The following SAG variants were observed in gnomAD, a reference collection of about 807,000 sequenced individuals.
SAG encodes S-arrestin.
A neutral mutation model predicts 55.0 loss-of-function variants in SAG; 45 were observed. That is an observed-to-expected ratio of 0.82 (90% CI 0.64 to 1.05). The LOEUF (loss-of-function observed/expected upper bound fraction) is 1.05, where lower values mean the gene tolerates loss of function less well. Among genes scored for constraint, SAG ranks in the 50% least tolerant of loss-of-function variants. The pLI is 0.00. For synonymous variants in SAG, 189 were observed against 197.4 expected (o/e 0.96, Z 0.36); for missense variants, 455 against 512.1 (o/e 0.89, Z 1.08).
chr2:233,342,827 A>G (rs1701145574), intron 14 of SAG: 2 of 160,640 alleles, frequency 1.2e-5, no homozygotes, highest in African/African-American at 4.9e-5. Context: ...TGGTGTGATC[A>G]AGCTTACTAC....
At chr2:233,313,515 ATTT>A (rs111926878) in intron 2 of SAG, among the ~76,000 whole-genome samples, 1 of 146,968 alleles carries the variant, frequency 6.8e-6, no homozygotes, top group African/African-American at 2.5e-5. Flanking sequence ...TTTGGGGAGA[ATTT>A]TTTTTTTTTT....
chr2:233,328,008 C>G (rs1559444284), intron 7 of SAG: 1 of 153,674 alleles, frequency 6.5e-6, no homozygotes, highest in East Asian at 1.9e-4. Context: ...CTCCCACCCC[C>G]TGTGCTGTTT....
chr2:233,337,976 C>A (rs550895844), intron 11 of SAG, among the ~76,000 whole-genome samples: 82 of 152,354 alleles, frequency 5.4e-4, no homozygotes, highest in African/African-American at 1.9e-3. Flanking sequence ...TGTCAAGGAA[C>A]GTCACATTGC....
At chr2:233,342,123 CA>C (rs34221850) in intron 13 of SAG, 147 bp from the exon 14 acceptor site, 40,022 of 455,418 alleles carry the variant, frequency 0.088, 2 homozygotes, top group East Asian at 0.14. Context: ...GACTCCATCT[CA>C]AAAAAAAAAA....
At position 233,337,021 on chromosome 2, in the gene SAG, A is replaced by G. The variant is rs555288172; in HGVS notation, c.945-1655A>G. 2.8e-4 allele frequency among the ~76,000 whole-genome samples: 43 copies of G among 152,106 alleles called. 1 individual carries two copies. The highest frequency in any genetic ancestry group is 1.0e-3 in the African/African-American group (42 of 41,480). ...TGAGATGACAGGATAGCTTGAGCCCAGGAGGTCGAGGCTACAGTGACCTAT... is the reference window on the plus strand; with the variant it reads ...TGAGATGACAGGATAGCTTGAGCCCGGGAGGTCGAGGCTACAGTGACCTAT... On this transcript the variant is annotated intron_variant, in intron 11 of 15. Transcript: ENST00000409110.
chr2:233,331,650 G>A lies in SAG; in HGVS notation c.744G>A (p.Val248=), dbSNP rs919815125. ...VKKIKAFVEQ[V]ANVVLYSSDY... ...GTCTTCCCCTTGCAGTGGAACAGGTGGCCAATGTGGTTCTCTACTCGAGTG... is the reference window on the plus strand; with the variant it reads ...GTCTTCCCCTTGCAGTGGAACAGGTAGCCAATGTGGTTCTCTACTCGAGTG... The change falls in exon 10 of 16, where the codon GTG becomes GTA. Residue 248 remains valine, a synonymous_variant. Coordinates refer to ENST00000409110, the MANE Select transcript of SAG (RefSeq NM_000541.5). 6.2e-6 allele frequency: 10 copies of A among 1,613,056 alleles called. No homozygotes were observed. The African/African-American group carries it at 6.7e-5, about 11-fold the overall frequency.
At position 233,340,513 on chromosome 2, in the gene SAG, T is replaced by C. The variant is rs758951955; in HGVS notation, c.1046+35T>C. The C allele has an allele frequency of 7.6e-6, 12 of 1,579,240 alleles. No individual in the cohort carries two copies. The highest frequency in any genetic ancestry group is 1.0e-5 in the Non-Finnish European group (12 of 1,153,336). On this transcript the variant is annotated intron_variant, in intron 13 of 15. Transcript: ENST00000409110. The surrounding 1 kb of genome is among the most constrained non-coding windows in gnomAD (Gnocchi z 4.2). ...TTCACCTTCCTTGTTTGATTGTTTC[T>C]CAAGATATCAAAGGCAGCAAACTTG...
At chr2:233,342,808 G>A (rs911759119) in intron 14 of SAG, 5 of 167,620 alleles carry the variant, frequency 3.0e-5, no homozygotes, top group Non-Finnish European at 5.1e-5. Flanking sequence ...CACCCAGTCT[G>A]GAGTGCAGTG....
intron 6 of SAG, among the ~76,000 whole-genome samples, chr2:233,325,331 G>A (rs964725002): frequency 1.4e-5 from 2 of 147,540 alleles, no homozygotes; most frequent in Non-Finnish European, 3.0e-5. Flanking sequence ...ACTCCAGCCT[G>A]AGCAACAGAG....
chr2:233,317,905 T>C (rs1386543439), intron 3 of SAG, among the ~76,000 whole-genome samples: 1 of 152,230 alleles, frequency 6.6e-6, no homozygotes, highest in East Asian at 1.9e-4. Flanking sequence ...CTGAACAGTA[T>C]GTACAATAGG....
chr2:233,339,537 GTT>G lies in SAG; in HGVS notation c.1022+802_1022+803del, dbSNP rs10711990. Reference sequence around the variant, plus strand: ...ATTTTGCATTTTTCGTTAGCATAGTGTTTTTTTTTTTTTTTTTTTCACTGTGG... The same window carrying G: ...ATTTTGCATTTTTCGTTAGCATAGTGTTTTTTTTTTTTTTTTTCACTGTGG... On this transcript the variant is annotated intron_variant, in intron 12 of 15. Transcript: ENST00000409110. Among the ~76,000 whole-genome samples, 390 of 129,274 alleles carry G rather than the reference GTT, an allele frequency of 3.0e-3. 1 individual carries two copies. Among genetic ancestry groups the G allele is most frequent in the Non-Finnish European group, 4.7e-3 (290 of 61,978 alleles). 84.8% of individuals were successfully genotyped at this position (129,274 alleles called of 152,430 possible). A position where few individuals can be genotyped will look rare whatever the true frequency, so the allele number is the denominator to read the frequency against.
At chr2:233,343,857 G>C in intron 14 of SAG, 1 of 663,778 alleles carries the variant, frequency 1.5e-6, no homozygotes, top group Non-Finnish European at 1.9e-6. Context: ...GTGAAATGCC[G>C]TTTAAACATT....
intron 3 of SAG, 133 bp from the exon 4 acceptor site, chr2:233,318,618 G>T: frequency 2.6e-6 from 2 of 770,650 alleles, no homozygotes; most frequent in African/African-American, 1.7e-5. Flanking sequence ...TTTTCCCTTT[G>T]CCTGACTTTT....
intron 11 of SAG, among the ~76,000 whole-genome samples, chr2:233,335,762 G>A (rs1398833344): frequency 1.3e-5 from 2 of 152,236 alleles, no homozygotes; most frequent in Non-Finnish European, 2.9e-5. Flanking sequence ...AAGTTCCCAA[G>A]TCAGCGTCCA....
chr2:233,324,819 G>C (rs774199206), intron 6 of SAG, among the ~76,000 whole-genome samples: 1 of 152,218 alleles, frequency 6.6e-6, no homozygotes, highest in Non-Finnish European at 1.5e-5. Flanking sequence ...GCAGTGATAG[G>C]TGATGACAAG....
intron 11 of SAG, among the ~76,000 whole-genome samples, chr2:233,337,239 T>C (rs1365654925): frequency 1.2e-5 from 1 of 81,426 alleles, no homozygotes; most frequent in African/African-American, 6.3e-5. Flanking sequence ...CTTTTAAAAA[T>C]TATTTTTATT....
chr2:233,323,745 A>G (rs1183465463), intron 6 of SAG, among the ~76,000 whole-genome samples: 1 of 152,212 alleles, frequency 6.6e-6, no homozygotes, highest in African/African-American at 2.4e-5. Flanking sequence ...AAGATCCTCT[A>G]TGAACCCATC....
At position 233,319,144 on chromosome 2, in the gene SAG, G is replaced by T; in HGVS notation, c.181+349G>T. 2.3e-6 allele frequency: 1 copy of T among 444,102 alleles called. No individual in the cohort carries two copies. 27.5% of individuals were successfully genotyped at this position (444,102 alleles called of 1,614,324 possible). On this transcript the variant is annotated intron_variant, in intron 4 of 15. Coordinates refer to ENST00000409110, the MANE Select transcript of SAG (RefSeq NM_000541.5). The surrounding 1 kb of genome is among the most constrained non-coding windows in gnomAD (Gnocchi z 4.4). ...CTCAGGAGGGTGCCTGGGGTGCCTAGGACTCAGGAGGACACAAGACCTTGA... is the reference window on the plus strand; with the variant it reads ...CTCAGGAGGGTGCCTGGGGTGCCTATGACTCAGGAGGACACAAGACCTTGA...
At chr2:233,325,271 A>T (rs964122664) in intron 6 of SAG, among the ~76,000 whole-genome samples, 1 of 150,640 alleles carries the variant, frequency 6.6e-6, no homozygotes, top group African/African-American at 2.4e-5. Context: ...TAGGAGAATC[A>T]CTCAAACTTG....
Sources: allele counts gnomAD v4.1 joint callset (sites outside exome capture counted in the v4.1 genomes callset), GRCh38; gene constraint gnomAD v4.1.1; non-coding constraint Gnocchi (gnomAD v3.1); transcripts MANE v1.5; gene names NCBI Gene and HGNC (gene_info 2026-07-23, HGNC 2026-07-21).